WDR55: variants seen among roughly 807,000 people sequenced by gnomAD.
WDR55 encodes the protein WD repeat-containing protein 55.
In WDR55, 31 loss-of-function variants were observed where a neutral mutation model predicts 34.0. That is an observed-to-expected ratio of 0.91 (90% CI 0.69 to 1.23). The LOEUF (loss-of-function observed/expected upper bound fraction) is 1.23. Among genes scored for constraint, WDR55 ranks in the 50% most tolerant of loss-of-function variants. WDR55 has a pLI of 0.00. For missense variants in WDR55, 440 were observed against 494.6 expected, an observed-to-expected ratio of 0.89 and a Z score of 1.05; for synonymous variants, 164 against 185.9, an observed-to-expected ratio of 0.88 and a Z score of 0.96.
chr5:140,671,023 G>A lies in WDR55; in HGVS notation c.*1369G>A. ...AGGGGGGAAGGTATGATCGGGTGGG[G>A]GTGGGACAAGGAACGGCCATGGAAG... is the stretch of plus-strand genomic sequence containing the variant. On this transcript the variant is annotated 3_prime_UTR_variant, in exon 7 of 7. Coordinates refer to ENST00000358337, the MANE Select transcript of WDR55 (RefSeq NM_017706.5). 1 of 562,430 alleles carries A rather than the reference G, an allele frequency of 1.8e-6. No individual in the cohort carries two copies. The highest frequency in any genetic ancestry group is 3.2e-6 in the Non-Finnish European group (1 of 311,238). The allele number at this position is 562,430 out of a possible 1,614,324, so 34.8% of individuals were successfully genotyped here. A position where few individuals can be genotyped will look rare whatever the true frequency, so the allele number is the denominator to read the frequency against.
At chr5:140,666,561 G>A (rs1757930102) in intron 1 of WDR55, 1 of 977,532 alleles carries the variant, frequency 1.0e-6, no homozygotes, top group African/African-American at 1.8e-5. Context: ...ATGGCACCAG[G>A]TGCCATGGTA....
At position 140,668,770 on chromosome 5, in the gene WDR55, A is replaced by G. The variant is rs1206514337; in HGVS notation, c.539A>G (p.Lys180Arg). The change falls in exon 4 of 7, where the codon AAA becomes AGA. Residue 180 changes from lysine (K) to arginine (R), a missense_variant. Physicochemically the swap from Lys to Arg is conservative, Grantham distance 26 (BLOSUM62 2). Coordinates refer to ENST00000358337, the MANE Select transcript of WDR55 (RefSeq NM_017706.5). ...YIADMALDPA[K>R]KLLLTASGDG... ...GCAGACATGGCTCTGGATCCAGCCA[A>G]AAAGCTGCTGCTGACAGCCAGGTAC... The G allele has an allele frequency of 6.2e-7, 1 of 1,613,924 alleles. No individual in the cohort carries two copies. The highest frequency in any genetic ancestry group is 8.5e-7 in the Non-Finnish European group (1 of 1,179,930).
Position 140,668,959 on chromosome 5 carries a change from C to T in WDR55, c.629C>T (p.Ser210Phe), listed in dbSNP as rs2286394. The T allele has an allele frequency of 0.23, 364,337 of 1,614,056 alleles. 42,672 individuals are homozygous for T. Among genetic ancestry groups the T allele is most frequent in the East Asian group, 0.3 (13,325 of 44,874 alleles). The change falls in exon 5 of 7, where the codon TCT becomes TTT. Residue 210 changes from serine (S) to phenylalanine (F), a missense_variant. Ser to Phe is a radical substitution (Grantham distance 155). Transcript: ENST00000358337. ...RRFELLSEPQ[S>F]GDLTSVTLMK... is the part of the protein sequence containing the mutation. ...TTTGAGCTGCTCTCAGAACCTCAGT[C>T]TGGGGACCTGACCTCTGTCACTCTC... is the stretch of plus-strand genomic sequence containing the variant.
rs202074788 is a variant in WDR55 at position 140,668,414 on chromosome 5, G to A, written c.293-1G>A. On this transcript the variant is annotated splice_acceptor_variant, in intron 2 of 6. Transcript: ENST00000358337. LOFTEE classifies it high-confidence loss of function. ...CCATGACCTGGGCACCTTTTCCCCAGAGCTCATTACTGTCTCCAAGGACAA... is the reference window on the plus strand; with the variant it reads ...CCATGACCTGGGCACCTTTTCCCCAAAGCTCATTACTGTCTCCAAGGACAA... 8.7e-6 allele frequency: 14 copies of A among 1,614,202 alleles called. No homozygotes were observed. The Admixed American group carries it at 1.0e-4, about 12-fold the overall frequency.
chr5:140,666,087 C>G (rs1179159581), intron 1 of WDR55, among the ~76,000 whole-genome samples: 1 of 152,008 alleles, frequency 6.6e-6, no homozygotes, highest in Non-Finnish European at 1.5e-5. Context: ...TGTGCTCATT[C>G]ATCCATACCT....
intron 3 of WDR55, 38 bp from the exon 4 acceptor site, chr5:140,668,574 C>T (rs767871680): frequency 1.2e-6 from 2 of 1,609,862 alleles, no homozygotes; most frequent in Admixed American, 3.3e-5. Context: ...CCCACTGGGA[C>T]AGAGATGCTC....
chr5:140,671,172 GCCTGGGCC>G lies in WDR55; in HGVS notation c.*1520_*1527del, dbSNP rs1255545940. ...CCTGTCCCAGCAGGGAGGCTGATGG[GCCTGGGCC>G]CATGCCCCTCCCCACCTTTGGGGGT... On this transcript the variant is annotated 3_prime_UTR_variant, in exon 7 of 7. Transcript: ENST00000358337. 7.7e-7 allele frequency: 1 copy of G among 1,297,660 alleles called. No homozygotes were observed. The highest frequency in any genetic ancestry group is 1.5e-5 in the African/African-American group (1 of 68,168). 80.4% of individuals were successfully genotyped at this position (1,297,660 alleles called of 1,614,324 possible).
At position 140,671,385 on chromosome 5, in the gene WDR55, C is replaced by T. The variant is rs1382218746; in HGVS notation, c.*1731C>T. The T allele has an allele frequency of 2.5e-6, 4 of 1,612,570 alleles. No individual in the cohort carries two copies. Among genetic ancestry groups the T allele is most frequent in the Non-Finnish European group, 2.5e-6 (3 of 1,179,886 alleles). On this transcript the variant is annotated 3_prime_UTR_variant, in exon 7 of 7. Transcript: ENST00000358337. ...AGTGCCTGCAGCAGCCGTACAGACA[C>T]AGCATCCTTGGCCACCTCATGCCCA...
rs200455085 is a variant in WDR55 at position 140,668,400 on chromosome 5, G to A, written c.293-15G>A. ...AGCAGTGAGCAGCACCATGACCTGG[G>A]CACCTTTTCCCCAGAGCTCATTACT... On this transcript the variant is annotated splice_polypyrimidine_tract_variant and intron_variant, in intron 2 of 6. Coordinates refer to ENST00000358337, the MANE Select transcript of WDR55 (RefSeq NM_017706.5). 6.2e-5 allele frequency: 100 copies of A among 1,614,186 alleles called. No individual in the cohort carries two copies. In the East Asian group the frequency reaches 2.2e-3, roughly 35 times the overall value.
At position 140,670,780 on chromosome 5, in the gene WDR55, A is replaced by G. The variant is rs573252786; in HGVS notation, c.*1126A>G. On this transcript the variant is annotated 3_prime_UTR_variant, in exon 7 of 7. Coordinates refer to ENST00000358337, the MANE Select transcript of WDR55 (RefSeq NM_017706.5). ...AACAAACTCTAAGCTAGGGCAAGAC[A>G]GCACAGACACAAGTATATACTAACC... is the stretch of plus-strand genomic sequence containing the variant. 3.6e-5 allele frequency: 7 copies of G among 195,126 alleles called. No homozygotes were observed. In the South Asian group the frequency reaches 5.9e-4, roughly 16 times the overall value. 12.1% of individuals were successfully genotyped at this position (195,126 alleles called of 1,614,324 possible).
At chr5:140,669,280 A>G (rs953321200) in intron 6 of WDR55, 32 bp downstream of exon 6, 16 of 1,613,036 alleles carry the variant, frequency 9.9e-6, no homozygotes, top group Middle Eastern at 3.3e-4. Flanking sequence ...CTTAGGTCAC[A>G]GGAAGGGCAG....
chr5:140,668,518 A>G lies in WDR55; in HGVS notation c.380+16A>G. On this transcript the variant is annotated intron_variant, in intron 3 of 6. Coordinates refer to ENST00000358337, the MANE Select transcript of WDR55 (RefSeq NM_017706.5). Reference sequence around the variant, plus strand: ...AGGCTCATGGGTAAGGAGAGCAGCCAATTCTGTGTATGTGCATGGAGGTGA... The same window carrying G: ...AGGCTCATGGGTAAGGAGAGCAGCCGATTCTGTGTATGTGCATGGAGGTGA... 6.2e-7 allele frequency: 1 copy of G among 1,613,602 alleles called. No homozygotes were observed. The highest frequency in any genetic ancestry group is 8.5e-7 in the Non-Finnish European group (1 of 1,179,628).
Position 140,672,059 on chromosome 5 carries a change from C to G in WDR55, c.*2405C>G. 1 of 561,416 alleles carries G rather than the reference C, an allele frequency of 1.8e-6. No homozygotes were observed. The highest frequency in any genetic ancestry group is 3.2e-6 in the Non-Finnish European group (1 of 313,574). 34.8% of individuals were successfully genotyped at this position (561,416 alleles called of 1,614,324 possible). Reference sequence around the variant, plus strand: ...TGTAAGTCAGTCAGTGTGCTAAGTACCGTACACCCATTATGTTACTTAATT... The same window carrying G: ...TGTAAGTCAGTCAGTGTGCTAAGTAGCGTACACCCATTATGTTACTTAATT... On this transcript the variant is annotated 3_prime_UTR_variant, in exon 7 of 7. Transcript: ENST00000358337.
In WDR55 at chr5:140,669,243, C is replaced by A; in HGVS notation, c.825C>A (p.Val275=). The A allele has an allele frequency of 6.2e-7, 1 of 1,613,582 alleles. No individual in the cohort carries two copies. The highest frequency in any genetic ancestry group is 8.5e-7 in the Non-Finnish European group (1 of 1,180,008). ...SLLCTGSTDG[V]IRAVNILPNR... ...TGTGTACTGGCTCCACTGATGGAGT[C>A]ATCAGGTGAGGGAAGCCTGGACAGC... is the stretch of plus-strand genomic sequence containing the variant. Residue 275 remains valine, a synonymous_variant, in exon 6 of 7, where the codon GTC becomes GTA. Coordinates refer to ENST00000358337, the MANE Select transcript of WDR55 (RefSeq NM_017706.5).
rs1757969161 is a variant in WDR55 at position 140,668,245 on chromosome 5, C to G, written c.203C>G (p.Ser68Cys). 2 of 1,606,434 alleles carry G rather than the reference C, an allele frequency of 1.2e-6. No homozygotes were observed. Among genetic ancestry groups the G allele is most frequent in the Non-Finnish European group, 8.5e-7 (1 of 1,175,478 alleles). ...TGCCCTCTCCCCAGCTTTTCCTACTCTTGCCAAGAGGGAGAAACCAAGGAG... is the reference window on the plus strand; with the variant it reads ...TGCCCTCTCCCCAGCTTTTCCTACTGTTGCCAAGAGGGAGAAACCAAGGAG... ...VDGDVFVFSY[S>C]CQEGETKELW... The change falls in exon 2 of 7, where the codon TCT becomes TGT. Residue 68 changes from serine (S) to cysteine (C), a missense_variant. Transcript: ENST00000358337.
rs534140803 is a variant in WDR55 at position 140,665,205 on chromosome 5, A to G, written c.191+102A>G. The G allele has an allele frequency of 3.5e-6, 4 of 1,131,524 alleles. No individual in the cohort carries two copies. In the African/African-American group the frequency reaches 4.7e-5, roughly 13 times the overall value. 70.1% of individuals were successfully genotyped at this position (1,131,524 alleles called of 1,614,324 possible). A position where few individuals can be genotyped will look rare whatever the true frequency, so the allele number is the denominator to read the frequency against. On this transcript the variant is annotated intron_variant, in intron 1 of 6. Transcript: ENST00000358337. ...AAAGTTGCAGGGAGACAAATTTTGC[A>G]AGATTCTTTGGGTCCAATTTATTCA...
Position 140,671,319 on chromosome 5 carries a change from C to T in WDR55, c.*1665C>T, listed in dbSNP as rs754224591. ...CACTGTTTAACCATGGTACCTGCCT[C>T]AGCCCCAGCAGACCACAGGAGGTTG... On this transcript the variant is annotated 3_prime_UTR_variant, in exon 7 of 7. Coordinates refer to ENST00000358337, the MANE Select transcript of WDR55 (RefSeq NM_017706.5). 6.2e-7 allele frequency: 1 copy of T among 1,612,940 alleles called. No individual in the cohort carries two copies. The highest frequency in any genetic ancestry group is 1.7e-5 in the Admixed American group (1 of 60,030).
intron 1 of WDR55, chr5:140,666,777 A>C (rs1343842306): frequency 1.0e-6 from 1 of 985,330 alleles, no homozygotes; most frequent in African/African-American, 1.7e-5. Flanking sequence ...ATCGTAGCTT[A>C]CTAGTCCGTT....
Position 140,668,473 on chromosome 5 carries a change from A to G in WDR55, c.351A>G (p.Gln117=), listed in dbSNP as rs759083730. ...AIHVLDVEQG[Q]LERRVSKAHG... ...ATGTTCTAGATGTGGAGCAGGGCCAACTGGAAAGACGTGTTTCCAAGGCTC... is the reference window on the plus strand; with the variant it reads ...ATGTTCTAGATGTGGAGCAGGGCCAGCTGGAAAGACGTGTTTCCAAGGCTC... The change falls in exon 3 of 7, where the codon CAA becomes CAG. Residue 117 remains glutamine (Q), a synonymous_variant. Transcript: ENST00000358337. The G allele has an allele frequency of 4.6e-5, 74 of 1,614,090 alleles. No homozygotes were observed. The highest frequency in any genetic ancestry group is 6.2e-5 in the Non-Finnish European group (73 of 1,180,048).
Sources: allele counts gnomAD v4.1 joint callset (sites outside exome capture counted in the v4.1 genomes callset), GRCh38; gene constraint gnomAD v4.1.1; transcripts MANE v1.5; gene names NCBI Gene and HGNC (gene_info 2026-07-23, HGNC 2026-07-21).